The following PA2G4 variants were observed in gnomAD, a reference collection of about 807,000 sequenced individuals.
PA2G4 encodes the protein proliferation-associated protein 2G4.
A neutral mutation model predicts 53.3 loss-of-function variants in PA2G4; 8 were observed. The observed-to-expected ratio is 0.15, with a 90% CI of 0.09 to 0.27. The LOEUF (loss-of-function observed/expected upper bound fraction) is 0.27. PA2G4 is among the 10% of genes least tolerant of loss of function. PA2G4 has a pLI of 1.00. For missense variants in PA2G4, 208 were observed against 486.8 expected (o/e 0.43, Z 5.39); for synonymous variants, 143 against 169.8 (o/e 0.84, Z 1.23).
intron 5 of PA2G4, 65 bp downstream of exon 5, chr12:56,107,678 C>G (rs1565864260): frequency 9.2e-7 from 1 of 1,085,960 alleles, no homozygotes; most frequent in African/African-American, 1.5e-5. Context: ...CCTATAGCTA[C>G]TCTATATGAA....
intron 5 of PA2G4, 143 bp downstream of exon 5, chr12:56,107,756 C>T: frequency 1.7e-6 from 1 of 598,286 alleles, no homozygotes; most frequent in Non-Finnish European, 3.0e-6. Context: ...TAGCTGGGCA[C>T]AGTGACTCAC....
At chr12:56,107,331 C>A (rs1242317650) in intron 4 of PA2G4, 75 bp downstream of exon 4, 7 of 1,177,048 alleles carry the variant, frequency 5.9e-6, no homozygotes, top group Non-Finnish European at 8.9e-6. Context: ...CTTATCCCCA[C>A]CCCCAATCAC....
Position 56,111,449 on chromosome 12 carries a change from T to A in PA2G4, c.1066-27T>A, listed in dbSNP as rs758145176. 8 of 1,611,304 alleles carry A rather than the reference T, an allele frequency of 5.0e-6. 1 individual carries two copies. The highest frequency in any genetic ancestry group is 3.3e-5 in the South Asian group (3 of 90,682). ...TTAATTTCCTCCACATTTCTCAAAA[T>A]TTTTTTCCCTTCTTCCTGTTTTCCA... On this transcript the variant is annotated intron_variant, in intron 11 of 12. Transcript: ENST00000303305.
At chr12:56,110,285 G>A (rs746365932) in intron 7 of PA2G4, 114 bp from the exon 8 acceptor site, 268 of 681,638 alleles carry the variant, frequency 3.9e-4, no homozygotes, top group Non-Finnish European at 6.5e-4. Flanking sequence ...GCTTGGACCC[G>A]GGAGGTGGAG....
At chr12:56,110,232 T>C (rs912421264) in intron 7 of PA2G4, among the ~76,000 whole-genome samples, 167 bp from the exon 8 acceptor site, 1 of 152,014 alleles carries the variant, frequency 6.6e-6, no homozygotes, top group Admixed American at 6.6e-5. Flanking sequence ...TGGTGGTTTG[T>C]GCCTATAGTC....
Position 56,113,365 on chromosome 12 carries a change from A to T in PA2G4, c.*477A>T, listed in dbSNP as rs2136844279. ...CCCCAAATATTTTATCTGGCTTCAAAATTAAGAGGATTATTTTTCAGATTG... is the reference window on the plus strand; with the variant it reads ...CCCCAAATATTTTATCTGGCTTCAATATTAAGAGGATTATTTTTCAGATTG... On this transcript the variant is annotated 3_prime_UTR_variant, in exon 13 of 13. Coordinates refer to ENST00000303305, the MANE Select transcript of PA2G4 (RefSeq NM_006191.3). 1 of 163,268 alleles carries T rather than the reference A, an allele frequency of 6.1e-6. No homozygotes were observed. Among genetic ancestry groups the T allele is most frequent in the African/African-American group, 2.4e-5 (1 of 41,878 alleles). 10.1% of individuals were successfully genotyped at this position (163,268 alleles called of 1,614,324 possible). A position where few individuals can be genotyped will look rare whatever the true frequency, so the allele number is the denominator to read the frequency against.
rs1017949355 is a variant in PA2G4, at chr12:56,106,936, A to C, written c.218-54A>C. 70 of 1,453,542 alleles carry C rather than the reference A, an allele frequency of 4.8e-5. No homozygotes were observed. In the African/African-American group the frequency reaches 7.6e-4, roughly 16 times the overall value. 90.0% of individuals were successfully genotyped at this position (1,453,542 alleles called of 1,614,324 possible). ...AAATCCTTCTACATTTCTGAAGGGC[A>C]CTAGGGCTCCCGGGAGACAGCAAGG... On this transcript the variant is annotated intron_variant, in intron 2 of 12. Coordinates refer to ENST00000303305, the MANE Select transcript of PA2G4 (RefSeq NM_006191.3).
At chr12:56,105,321 ACACCAGCTTCCCCAC>A (rs904751634) in intron 1 of PA2G4, among the ~76,000 whole-genome samples, 12 of 152,044 alleles carry the variant, frequency 7.9e-5, no homozygotes, top group African/African-American at 1.2e-4. Flanking sequence ...AGTGTCCCTG[ACACCAGCTTCCCCAC>A]CACCAGCTTC....
Position 56,113,010 on chromosome 12 carries a change from C to T in PA2G4, c.*122C>T, listed in dbSNP as rs1416443624. 1.2e-5 allele frequency: 7 copies of T among 598,400 alleles called. No homozygotes were observed. Among genetic ancestry groups the T allele is most frequent in the Non-Finnish European group, 1.9e-5 (7 of 359,704 alleles). The allele number at this position is 598,400 out of a possible 1,614,324, so 37.1% of individuals were successfully genotyped here. A position where few individuals can be genotyped will look rare whatever the true frequency, so the allele number is the denominator to read the frequency against. On this transcript the variant is annotated 3_prime_UTR_variant, in exon 13 of 13. Coordinates refer to ENST00000303305, the MANE Select transcript of PA2G4 (RefSeq NM_006191.3). Reference sequence around the variant, plus strand: ...CCAGCAGAGCGGGGGGATCTCCCTGCCCCCACCCCAGTTCCCCAACCCACT... The same window carrying T: ...CCAGCAGAGCGGGGGGATCTCCCTGTCCCCACCCCAGTTCCCCAACCCACT...
At chr12:56,109,343 G>T (rs11171744) in intron 6 of PA2G4, 50 bp downstream of exon 6, 1 of 1,414,970 alleles carries the variant, frequency 7.1e-7, no homozygotes, top group Non-Finnish European at 1.0e-6. Flanking sequence ...GGCTTTGCCA[G>T]GTGCGGTGGC....
rs778940396 is a variant in PA2G4 at position 56,107,067 on chromosome 12, A to G, written c.295A>G (p.Ile99Val). ...CCCTTTGAAGAGCGACCAGGATTAT[A>G]TTCTCAAGGAAGGTGACTTGGTAAA... ...FSPLKSDQDY[I>V]LKEGDLVKID... The change falls in exon 3 of 13, where the codon ATT (isoleucine) becomes GTT (valine). Residue 99 changes from isoleucine to valine, a missense_variant. Coordinates refer to ENST00000303305, the MANE Select transcript of PA2G4 (RefSeq NM_006191.3). 2 of 1,613,676 alleles carry G rather than the reference A, an allele frequency of 1.2e-6. No individual in the cohort carries two copies. Among genetic ancestry groups the G allele is most frequent in the East Asian group, 2.2e-5 (1 of 44,894 alleles).
At chr12:56,107,117 G>C in intron 3 of PA2G4, 22 bp downstream of exon 3, 1 of 1,606,756 alleles carries the variant, frequency 6.2e-7, no homozygotes, top group Non-Finnish European at 8.5e-7. Context: ...CCGTTTTAAA[G>C]CATTTTTCTT....
chr12:56,109,059 G>C (rs898313232), intron 5 of PA2G4, among the ~76,000 whole-genome samples, 171 bp from the exon 6 acceptor site: 2 of 148,484 alleles, frequency 1.3e-5, no homozygotes, highest in Non-Finnish European at 1.5e-5. Flanking sequence ...CCGGGAGGCA[G>C]AGATTGCAGT....
Position 56,111,525 on chromosome 12 carries a change from A to G in PA2G4, c.1115A>G (p.Lys372Arg). The G allele has an allele frequency of 6.2e-7, 1 of 1,613,510 alleles. No homozygotes were observed. ...CGAAAAACCCAGAAAAAGAAAAAAAAGAAGGTGTGTTATTAACGATCATTC... is the reference window on the plus strand; with the variant it reads ...CGAAAAACCCAGAAAAAGAAAAAAAGGAAGGTGTGTTATTAACGATCATTC... ...ASRKTQKKKK[K>R]KASKTAENAT... is the part of the protein sequence containing the mutation. The change falls in exon 12 of 13, where the codon AAG becomes AGG. Residue 372 changes from lysine (K) to arginine (R), a missense_variant. Lys to Arg is a conservative substitution (Grantham distance 26). This residue lies in a region of PA2G4 where 50 missense variants were observed against 82.3 expected (regional missense o/e 0.61). Coordinates refer to ENST00000303305, the MANE Select transcript of PA2G4 (RefSeq NM_006191.3).
At chr12:56,111,897 G>A (rs1270026663) in intron 12 of PA2G4, among the ~76,000 whole-genome samples, 2 of 151,272 alleles carry the variant, frequency 1.3e-5, no homozygotes, top group African/African-American at 4.8e-5. Flanking sequence ...TGGATCACCT[G>A]AGGTCAGGAG....
rs774586469 is a variant in PA2G4, at chr12:56,104,599, C to G, written c.-139C>G. On this transcript the variant is annotated 5_prime_UTR_variant, in exon 1 of 13. Transcript: ENST00000303305. ...AGCTTCTCGCTCTCGCCTGCCTGCC[C>G]GCTCCCTTGCTTGCTCGCGCTTTCG... The G allele has an allele frequency of 3.4e-6, 3 of 870,914 alleles. No homozygotes were observed. Among genetic ancestry groups the G allele is most frequent in the Non-Finnish European group, 5.9e-6 (3 of 504,704 alleles). The allele number at this position is 870,914 out of a possible 1,614,324, so 53.9% of individuals were successfully genotyped here.
intron 4 of PA2G4, 102 bp from the exon 5 acceptor site, chr12:56,107,419 C>T: frequency 9.9e-7 from 1 of 1,007,592 alleles, no homozygotes; most frequent in Non-Finnish European, 1.6e-6. Flanking sequence ...CCCTCCTGTT[C>T]ATTGGCTGGT....
At chr12:56,106,818 T>A in intron 2 of PA2G4, 102 bp downstream of exon 2, 1 of 1,434,364 alleles carries the variant, frequency 7.0e-7, no homozygotes, top group Non-Finnish European at 9.4e-7. Context: ...ACCCCAGCTC[T>A]GGCTGAGGTA....
intron 1 of PA2G4, 100 bp from the exon 2 acceptor site, chr12:56,106,488 A>G (rs1869304420): frequency 7.7e-7 from 1 of 1,298,332 alleles, no homozygotes; most frequent in Non-Finnish European, 1.0e-6. Context: ...GGCACCAGGG[A>G]GTATTATGGA....
Sources: gnomAD v4.1 joint callset for allele counts (sites outside exome capture counted in the v4.1 genomes callset) on GRCh38, gnomAD v4.1.1 for gene constraint, gnomAD v4.1.1 regional missense constraint, MANE v1.5 for transcripts, NCBI Gene and HGNC (gene_info 2026-07-23, HGNC 2026-07-21) for gene names.